CSF2RA: variants seen among roughly 807,000 people sequenced by gnomAD.
CSF2RA encodes the protein granulocyte-macrophage colony-stimulating factor receptor subunit alpha.
Under a neutral mutation model 51.6 loss-of-function variants are expected in CSF2RA, and 42 were observed. The observed-to-expected ratio is 0.81, with a 90% CI of 0.64 to 1.05. CSF2RA has a LOEUF of 1.05. CSF2RA is among the 50% of genes least tolerant of loss of function. CSF2RA has a pLI of 0.00. For synonymous variants in CSF2RA, 222 were observed against 193.0 expected, an observed-to-expected ratio of 1.15 and a Z score of -1.24; for missense variants, 530 against 501.1, an observed-to-expected ratio of 1.06 and a Z score of -0.55.
At chrX:1,315,876 CAGATAGAT>C in the CSF2RA span, among the ~76,000 whole-genome samples, 25 of 150,054 alleles carry the variant, frequency 1.7e-4, no homozygotes, top group African/African-American at 5.7e-4. Context: ...GGATAGATGA[CAGATAGAT>C]AGACTCTAGA....
chrX:1,279,568 C>T (rs1382976235), intron 2 of CSF2RA, among the ~76,000 whole-genome samples: 2 of 151,420 alleles, frequency 1.3e-5, no homozygotes, highest in Non-Finnish European at 2.9e-5. Context: ...TGTCCAGTGC[C>T]CAGAAACACC....
At chrX:1,320,446 G>A in the CSF2RA span, among the ~76,000 whole-genome samples, 1 of 151,058 alleles carries the variant, frequency 6.6e-6, no homozygotes, top group African/African-American at 2.4e-5. Flanking sequence ...TTTCTTTCTA[G>A]ATCTGTTGAT....
the CSF2RA span, among the ~76,000 whole-genome samples, chrX:1,325,099 G>A: frequency 4.0e-5 from 6 of 151,456 alleles, no homozygotes; most frequent in Non-Finnish European, 5.9e-5. Flanking sequence ...CGTGGCTCAC[G>A]CCTGTCATCC....
At chrX:1,281,112 T>TTCTCCTCCTCCTTCTC (rs2089974162) in intron 2 of CSF2RA, among the ~76,000 whole-genome samples, 1 of 25,050 alleles carries the variant, frequency 4.0e-5, no homozygotes, top group African/African-American at 2.1e-4. Flanking sequence ...TCCTCCTCCT[T>TTCTCCTCCTCCTTCTC]CTCCTCCTCC....
chrX:1,314,427 C>T (rs1299541972), downstream of CSF2RA, among the ~76,000 whole-genome samples: 2 of 149,780 alleles, frequency 1.3e-5, no homozygotes, highest in South Asian at 2.1e-4. Context: ...CTGCACCTGC[C>T]CAACCGCACT....
rs111968824 is a variant in CSF2RA at position 1,298,648 on chromosome X, T to C, written c.811-1843T>C. ...ACACTCTCCTACCCATGACCCCTGG[T>C]GGAACCCTACAGTCCCCTACTCACG... is the stretch of plus-strand genomic sequence containing the variant. On this transcript the variant is annotated intron_variant, in intron 9 of 12. Transcript: ENST00000381529. Among the ~76,000 whole-genome samples, 36 of 4,606 alleles carry C rather than the reference T, an allele frequency of 7.8e-3. 1 individual carries two copies. Among genetic ancestry groups the C allele is most frequent in the South Asian group, 0.026 (2 of 76 alleles). 3.0% of individuals were successfully genotyped at this position (4,606 alleles called of 152,430 possible).
intron 9 of CSF2RA, among the ~76,000 whole-genome samples, chrX:1,296,147 T>G (rs1156285207): frequency 6.6e-6 from 1 of 150,562 alleles, no homozygotes; most frequent in African/African-American, 2.5e-5. Context: ...CCATGACCCC[T>G]GGAGTAACCC....
In CSF2RA at chrX:1,300,504, G is replaced by A; in HGVS notation, c.824G>A (p.Gly275Asp). Reference sequence around the variant, plus strand: ...TTTCCTCCAAAGATTAATGTTTCTGGTGATTTGGAAAATAGATACAACTTT... The same window carrying A: ...TTTCCTCCAAAGATTAATGTTTCTGATGATTTGGAAAATAGATACAACTTT... ...GTENLLINVS[G>D]DLENRYNFPS... Residue 275 changes from glycine (G) to aspartate (D), a missense_variant, in exon 10 of 13, where the codon GGT becomes GAT. Gly to Asp is a moderately conservative substitution (Grantham distance 94). Transcript: ENST00000381529. The A allele has an allele frequency of 6.2e-7, 1 of 1,613,888 alleles. No individual in the cohort carries two copies. The highest frequency in any genetic ancestry group is 8.5e-7 in the Non-Finnish European group (1 of 1,179,846).
chrX:1,294,895 A>C (rs1345307304), intron 8 of CSF2RA, among the ~76,000 whole-genome samples: 19 of 152,256 alleles, frequency 1.2e-4, no homozygotes, highest in Middle Eastern at 3.4e-3. Context: ...CTCCACCTCC[A>C]TGGAGACCCA....
intron 2 of CSF2RA, among the ~76,000 whole-genome samples, chrX:1,279,493 A>G (rs1325340705): frequency 1.3e-5 from 2 of 152,006 alleles, no homozygotes; most frequent in Non-Finnish European, 2.9e-5. Context: ...GGGGAGTTGT[A>G]TCTGAATCTC....
the CSF2RA span, among the ~76,000 whole-genome samples, chrX:1,320,174 CA>C: frequency 1.3e-5 from 2 of 152,052 alleles, no homozygotes; most frequent in Non-Finnish European, 2.9e-5. Context: ...GGATTACAGG[CA>C]TGAGCCACTG....
the CSF2RA span, among the ~76,000 whole-genome samples, chrX:1,321,604 A>G: frequency 6.6e-6 from 1 of 151,862 alleles, no homozygotes; most frequent in Non-Finnish European, 1.5e-5. Flanking sequence ...CGCAGACAGC[A>G]TTTCAGTACA....
rs777155954 is a variant in CSF2RA, at chrX:1,294,398, G to C, written c.717G>C (p.Gln239His). 1.2e-6 allele frequency: 2 copies of C among 1,613,978 alleles called. No homozygotes were observed. The highest frequency in any genetic ancestry group is 2.2e-5 in the South Asian group (2 of 91,064). Residue 239 changes from glutamine to histidine, a missense_variant, in exon 8 of 13, where the codon CAG becomes CAC. Gln to His is a conservative substitution (Grantham distance 24). Transcript: ENST00000381529. Reference sequence around the variant, plus strand: ...CGCACTGCCTCGTACGGTGGAAACAGCCCAGGACCTATCAGAAGCTGTCGT... The same window carrying C: ...CGCACTGCCTCGTACGGTGGAAACACCCCAGGACCTATCAGAAGCTGTCGT... The part of the protein sequence containing the change: ...NTTHCLVRWK[Q>H]PRTYQKLSYL...
chrX:1,314,843 GCCCAATCCCACTGCA>G (rs2084461389), downstream of CSF2RA, among the ~76,000 whole-genome samples: 3 of 99,930 alleles, frequency 3.0e-5, no homozygotes, highest in East Asian at 2.7e-4. Context: ...CACTGCACCT[GCCCAATCCCACTGCA>G]CCTGCCCAAC....
chrX:1,294,794 C>A (rs867905728), intron 8 of CSF2RA, among the ~76,000 whole-genome samples: 1 of 64,364 alleles, frequency 1.6e-5, no homozygotes, highest in African/African-American at 6.2e-5. Context: ...CAGAAGGAGA[C>A]CCTGCCCCAT....
At position 1,300,516 on chromosome X, in the gene CSF2RA, A is replaced by C. The variant is rs2092297530; in HGVS notation, c.836A>C (p.Asn279Thr). Residue 279 changes from asparagine (N) to threonine (T), a missense_variant, in exon 10 of 13, where the codon AAT becomes ACT. By Grantham distance (65) the Asn-to-Thr change is moderately conservative (BLOSUM62 0). Coordinates refer to ENST00000381529, the MANE Select transcript of CSF2RA (RefSeq NM_172245.4). ...LLINVSGDLE[N>T]RYNFPSSEPR... is the part of the protein sequence containing the mutation. ...ATTAATGTTTCTGGTGATTTGGAAA[A>C]TAGATACAACTTTCCAAGCTCTGAG... The C allele has an allele frequency of 8.7e-6, 14 of 1,613,968 alleles. No homozygotes were observed. Among genetic ancestry groups the C allele is most frequent in the Non-Finnish European group, 1.2e-5 (14 of 1,179,858 alleles).
chrX:1,293,857 G>C, intron 7 of CSF2RA: 1 of 400,330 alleles, frequency 2.5e-6, no homozygotes, highest in Non-Finnish European at 4.8e-6. Flanking sequence ...ACCCAGTGTA[G>C]ACAGGAGGAG....
the CSF2RA span, among the ~76,000 whole-genome samples, chrX:1,317,803 GA>G: frequency 2.0e-5 from 3 of 151,150 alleles, no homozygotes; most frequent in Non-Finnish European, 3.0e-5. Flanking sequence ...GGGAAAAGAG[GA>G]ATTCTATTGA....
At chrX:1,280,316 G>T (rs1391133177) in intron 2 of CSF2RA, among the ~76,000 whole-genome samples, 1 of 151,774 alleles carries the variant, frequency 6.6e-6, no homozygotes, top group Non-Finnish European at 1.5e-5. Context: ...TACTAAAAAT[G>T]CAAAATTAGC....
Sources: allele counts gnomAD v4.1 joint callset (sites outside exome capture counted in the v4.1 genomes callset), GRCh38; gene constraint gnomAD v4.1.1; transcripts MANE v1.5; gene names NCBI Gene and HGNC (gene_info 2026-07-23, HGNC 2026-07-21).